The following DYNC1LI2 variants were observed in gnomAD, a reference collection of about 807,000 sequenced individuals.
DYNC1LI2 encodes the protein dynein cytoplasmic 1 light intermediate chain 2.
A neutral mutation model predicts 57.8 loss-of-function variants in DYNC1LI2; 19 were observed. The observed-to-expected ratio is 0.33, with a 90% CI of 0.23 to 0.48. The LOEUF is 0.48. Ranked by LOEUF, DYNC1LI2 falls within the 20% of genes least tolerant of loss-of-function variation. The pLI is 0.99. For synonymous variants in DYNC1LI2, 256 were observed against 233.4 expected, an observed-to-expected ratio of 1.10 and a Z score of -0.88; for missense variants, 470 against 604.2, an observed-to-expected ratio of 0.78 and a Z score of 2.33.
chr16:66,743,545 AGT>A (rs1331817257), intron 3 of DYNC1LI2, among the ~76,000 whole-genome samples: 2 of 125,518 alleles, frequency 1.6e-5, no homozygotes, highest in Non-Finnish European at 3.2e-5. Context: ...TGGATGACAG[AGT>A]GAGACTCCAT....
intron 3 of DYNC1LI2, among the ~76,000 whole-genome samples, chr16:66,747,762 G>A (rs1278133343): frequency 6.6e-6 from 1 of 151,080 alleles, no homozygotes; most frequent in East Asian, 2.0e-4. Flanking sequence ...GTAGAGATGG[G>A]GTTTCACCAA....
At position 66,735,943 on chromosome 16, in the gene DYNC1LI2, C is replaced by A. The variant is rs1364215918; in HGVS notation, c.699+132G>T. On this transcript the variant is annotated intron_variant, in intron 5 of 12. Coordinates refer to ENST00000258198, the MANE Select transcript of DYNC1LI2 (RefSeq NM_006141.3). The stretch of plus-strand genomic sequence containing the variant: ...ATAATTTTTTCTGTCTTGACATATT[C>A]AATGTACCTTAATGAATCTCAAATA... 16 of 1,201,654 alleles carry A rather than the reference C, an allele frequency of 1.3e-5. No homozygotes were observed. The Admixed American group carries it at 4.1e-4, about 31-fold the overall frequency. The allele number at this position is 1,201,654 out of a possible 1,614,324, so 74.4% of individuals were successfully genotyped here.
intron 4 of DYNC1LI2, 116 bp downstream of exon 4, chr16:66,742,322 A>G: frequency 9.4e-7 from 1 of 1,069,508 alleles, no homozygotes; most frequent in Non-Finnish European, 1.3e-6. Flanking sequence ...TAAATGGTGC[A>G]AACAAAACAA....
chr16:66,747,600 C>T (rs1274563598), intron 3 of DYNC1LI2, among the ~76,000 whole-genome samples: 2 of 148,386 alleles, frequency 1.3e-5, no homozygotes, highest in Non-Finnish European at 3.0e-5. Context: ...GAAGGAGTCT[C>T]GTTTTATCGC....
intron 7 of DYNC1LI2, 121 bp from the exon 8 acceptor site, chr16:66,730,344 G>T: frequency 2.4e-6 from 2 of 827,216 alleles, no homozygotes; most frequent in Non-Finnish European, 3.7e-6. Flanking sequence ...TAGTTGTTGG[G>T]GGTTGTTTGT....
At chr16:66,740,217 G>T (rs1039734431) in intron 4 of DYNC1LI2, among the ~76,000 whole-genome samples, 7 of 152,140 alleles carry the variant, frequency 4.6e-5, no homozygotes, top group African/African-American at 1.7e-4. Context: ...AAACCACTGG[G>T]AACCTAACCC....
intron 6 of DYNC1LI2, 134 bp downstream of exon 6, chr16:66,734,084 C>A: frequency 2.9e-6 from 2 of 700,662 alleles, no homozygotes; most frequent in Non-Finnish European, 4.7e-6. Context: ...AAAACATAAA[C>A]CTAGTAAAAA....
Position 66,736,224 on chromosome 16 carries a change from A to G in DYNC1LI2, c.550T>C (p.Tyr184His), listed in dbSNP as rs746054742. The G allele has an allele frequency of 6.2e-7, 1 of 1,613,550 alleles. No individual in the cohort carries two copies. The highest frequency in any genetic ancestry group is 1.1e-5 in the South Asian group (1 of 91,052). ...TGACAACCTTCTTCAGGTTCCATAT[A>G]GTCTTGAAAATCTTTCACAACTGGG... ...ERKFVKDFQD[Y>H]MEPEEGCQGS... Residue 184 changes from tyrosine to histidine, a missense_variant, in exon 5 of 13, where the codon TAT becomes CAT. Coordinates refer to ENST00000258198, the MANE Select transcript of DYNC1LI2 (RefSeq NM_006141.3).
At chr16:66,731,902 A>G (rs1368592611) in intron 7 of DYNC1LI2, 1 of 154,770 alleles carries the variant, frequency 6.5e-6, no homozygotes, top group Non-Finnish European at 1.4e-5. Context: ...AAAATGTGAA[A>G]TGCCAGAAGC....
chr16:66,737,790 T>C lies in DYNC1LI2; in HGVS notation c.530-1546A>G, dbSNP rs562077442. Among the ~76,000 whole-genome samples, 9 of 152,194 alleles carry C rather than the reference T, an allele frequency of 5.9e-5. No individual in the cohort carries two copies. In the South Asian group the frequency reaches 1.7e-3, roughly 28 times the overall value. The stretch of plus-strand genomic sequence containing the variant: ...CTAAGGAAGGCCATTAAGGTGACAA[T>C]GGTCCGAGCCTCAGTTAAGCCAAGT... On this transcript the variant is annotated intron_variant, in intron 4 of 12. Coordinates refer to ENST00000258198, the MANE Select transcript of DYNC1LI2 (RefSeq NM_006141.3).
In DYNC1LI2 at chr16:66,751,469, C is replaced by T; in HGVS notation, c.107+16G>A. ...CCGCGCCCCCCACGGCCCGGCCCGA[C>T]CGCCCGCGGCCTCACCATAGGCTCT... On this transcript the variant is annotated intron_variant, in intron 1 of 12. Transcript: ENST00000258198. The surrounding 1 kb of genome is among the most constrained non-coding windows in gnomAD (Gnocchi z 5.2). The T allele has an allele frequency of 2.5e-6, 4 of 1,583,580 alleles. No individual in the cohort carries two copies. Among genetic ancestry groups the T allele is most frequent in the African/African-American group, 1.4e-5 (1 of 70,978 alleles).
rs778445481 is a variant in DYNC1LI2 at position 66,751,561 on chromosome 16, G to A, written c.31C>T (p.Leu11=). Residue 11 remains leucine, a synonymous_variant, in exon 1 of 13, where the codon CTG becomes TTG. Coordinates refer to ENST00000258198, the MANE Select transcript of DYNC1LI2 (RefSeq NM_006141.3). The surrounding 1 kb of genome is among the most constrained non-coding windows in gnomAD (Gnocchi z 5.2). MAPVGVEKKL[L]LGPNGPAVAA... ...ACCGCGGGCCCGTTGGGACCTAGCA[G>A]CAGCTTCTTCTCCACCCCCACCGGC... 4 of 1,584,478 alleles carry A rather than the reference G, an allele frequency of 2.5e-6. No homozygotes were observed. Among genetic ancestry groups the A allele is most frequent in the East Asian group, 2.5e-5 (1 of 40,722 alleles).
Position 66,751,600 on chromosome 16 carries a change from C to G in DYNC1LI2, c.-9G>C, listed in dbSNP as rs771866770. 1 of 1,570,764 alleles carries G rather than the reference C, an allele frequency of 6.4e-7. No individual in the cohort carries two copies. The highest frequency in any genetic ancestry group is 1.4e-5 in the African/African-American group (1 of 70,444). On this transcript the variant is annotated 5_prime_UTR_variant, in exon 1 of 13. Coordinates refer to ENST00000258198, the MANE Select transcript of DYNC1LI2 (RefSeq NM_006141.3). The surrounding 1 kb of genome is among the most constrained non-coding windows in gnomAD (Gnocchi z 5.2). Reference sequence around the variant, plus strand: ...ACCCCCACCGGCGCCATCTTGCCAACTGCAGCCACAAAGAGGGCCCTCCCC... The same window carrying G: ...ACCCCCACCGGCGCCATCTTGCCAAGTGCAGCCACAAAGAGGGCCCTCCCC...
chr16:66,732,172 C>A (rs1163507608), intron 7 of DYNC1LI2, 167 bp downstream of exon 7: 3 of 918,042 alleles, frequency 3.3e-6, no homozygotes, highest in African/African-American at 3.4e-5. Context: ...CACCCACTTC[C>A]CTCAGGCAGA....
In DYNC1LI2 at chr16:66,751,567, T is replaced by G. The variant is rs747045039; in HGVS notation, c.25A>C (p.Lys9Gln). MAPVGVEKKLLLGPNGPAV... is the reference protein window; with the variant it reads MAPVGVEKQLLLGPNGPAV... ...GGCCCGTTGGGACCTAGCAGCAGCT[T>G]CTTCTCCACCCCCACCGGCGCCATC... Residue 9 changes from lysine to glutamine, a missense_variant, in exon 1 of 13, where the codon AAG becomes CAG. Physicochemically the swap from Lys to Gln is moderately conservative, Grantham distance 53. Transcript: ENST00000258198. This position sits in a 1 kb window ranked among gnomAD's most constrained non-coding sequence, Gnocchi z 5.2. 7.6e-5 allele frequency: 121 copies of G among 1,582,230 alleles called. No homozygotes were observed. Among genetic ancestry groups the G allele is most frequent in the Non-Finnish European group, 9.1e-5 (106 of 1,167,014 alleles).
chr16:66,735,495 T>G (rs970236753), intron 5 of DYNC1LI2, among the ~76,000 whole-genome samples: 34 of 146,208 alleles, frequency 2.3e-4, no homozygotes, highest in African/African-American at 9.5e-4. Context: ...GAAACTGCTG[T>G]GAGTTCTTTT....
intron 3 of DYNC1LI2, among the ~76,000 whole-genome samples, chr16:66,744,312 A>C (rs1443688810): frequency 6.6e-6 from 1 of 152,192 alleles, no homozygotes; most frequent in Non-Finnish European, 1.5e-5. Flanking sequence ...TCGGCCTTCT[A>C]AAGTGCTGGG....
intron 5 of DYNC1LI2, among the ~76,000 whole-genome samples, chr16:66,734,727 T>C (rs1372338232): frequency 1.3e-5 from 2 of 152,020 alleles, no homozygotes; most frequent in Non-Finnish European, 2.9e-5. Context: ...CCAGGCGTGG[T>C]GGCTTACACT....
In DYNC1LI2 at chr16:66,723,308, C is replaced by T. The variant is rs1463016771; in HGVS notation, c.*414G>A. ...TGGTCTTTCTTTCCTGGACTTTCTG[C>T]TACTTAATCTGCTTCCCAAGAACAA... is the stretch of plus-strand genomic sequence containing the variant. On this transcript the variant is annotated 3_prime_UTR_variant, in exon 13 of 13. Coordinates refer to ENST00000258198, the MANE Select transcript of DYNC1LI2 (RefSeq NM_006141.3). 14 of 457,282 alleles carry T rather than the reference C, an allele frequency of 3.1e-5. No individual in the cohort carries two copies. Among genetic ancestry groups the T allele is most frequent in the Admixed American group, 2.8e-4 (12 of 42,556 alleles). The allele number at this position is 457,282 out of a possible 1,614,324, so 28.3% of individuals were successfully genotyped here. A position where few individuals can be genotyped will look rare whatever the true frequency, so the allele number is the denominator to read the frequency against.
Sources: allele counts gnomAD v4.1 joint callset (sites outside exome capture counted in the v4.1 genomes callset), GRCh38; gene constraint gnomAD v4.1.1; non-coding constraint Gnocchi (gnomAD v3.1); transcripts MANE v1.5; gene names NCBI Gene and HGNC (gene_info 2026-07-23, HGNC 2026-07-21).